Variants in CD99 observed in about 807,000 individuals in gnomAD.
CD99 encodes CD99 antigen.
A neutral mutation model predicts 28.4 loss-of-function variants in CD99; 19 were observed. That is an observed-to-expected ratio of 0.67 (90% CI 0.47 to 0.98). The LOEUF is 0.98. Among genes scored for constraint, CD99 ranks in the 50% least tolerant of loss-of-function variants. The pLI, the probability that CD99 is intolerant of heterozygous loss-of-function variation, is 0.00. For missense variants in CD99, 283 were observed against 248.8 expected, an observed-to-expected ratio of 1.14 and a Z score of -0.92; for synonymous variants, 103 against 92.1, an observed-to-expected ratio of 1.12 and a Z score of -0.67.
chrX:2,717,918 T>G, intron 3 of CD99: 1 of 439,884 alleles, frequency 2.3e-6, no homozygotes. Context: ...TGAGTTACTC[T>G]GTCTTTAGAT....
chrX:2,716,482 A>G (rs1001911134), intron 2 of CD99, among the ~76,000 whole-genome samples: 2 of 151,832 alleles, frequency 1.3e-5, no homozygotes, highest in Non-Finnish European at 1.5e-5. Context: ...GACTACAGGC[A>G]TGTGCCACCT....
intron 1 of CD99, among the ~76,000 whole-genome samples, chrX:2,694,358 T>C (rs2047474533): frequency 1.3e-5 from 2 of 151,928 alleles, no homozygotes. Context: ...TAGGAGAATG[T>C]TTCTGGGCAG....
chrX:2,726,464 G>T (rs779449347), intron 8 of CD99, 91 bp downstream of exon 8: 114 of 830,320 alleles, frequency 1.4e-4, no homozygotes, highest in Non-Finnish European at 2.2e-4. Context: ...ACTCGGGCTG[G>T]CACGAAACAG....
intron 2 of CD99, 56 bp downstream of exon 2, chrX:2,714,510 T>G (rs895362464): frequency 1.5e-6 from 2 of 1,370,500 alleles, no homozygotes; most frequent in Non-Finnish European, 2.1e-6. Flanking sequence ...TAACATAGTA[T>G]ATACAGGCAT....
intron 8 of CD99, among the ~76,000 whole-genome samples, chrX:2,734,667 G>T (rs1330712015): frequency 1.8e-4 from 22 of 125,286 alleles, no homozygotes; most frequent in South Asian, 5.2e-4. Flanking sequence ...TTTCCTTTTT[G>T]CTTTTTCTTT....
In CD99 at chrX:2,740,824, G is replaced by C; in HGVS notation, c.*20G>C. 1 of 1,613,880 alleles carries C rather than the reference G, an allele frequency of 6.2e-7. No homozygotes were observed. Among genetic ancestry groups the C allele is most frequent in the South Asian group, 1.1e-5 (1 of 91,066 alleles). ...AAATAGAAGATTGTCGGCAGAAACA[G>C]CCCAGGCGTTGGCAGCAGGGTTAGA... is the stretch of plus-strand genomic sequence containing the variant. On this transcript the variant is annotated 3_prime_UTR_variant, in exon 10 of 10. Transcript: ENST00000381192.
At chrX:2,727,218 G>A (rs768390876) in intron 8 of CD99, 13 of 744,540 alleles carry the variant, frequency 1.7e-5, no homozygotes, top group South Asian at 1.6e-4. Flanking sequence ...CAGGACCTGG[G>A]AAGTTTCTTG....
At chrX:2,714,197 C>T (rs1254803954) in intron 1 of CD99, among the ~76,000 whole-genome samples, 1 of 152,080 alleles carries the variant, frequency 6.6e-6, no homozygotes, top group Non-Finnish European at 1.5e-5. Context: ...TTCTACTAAG[C>T]TTGAAGGTCA....
chrX:2,704,773 G>A (rs192443156), intron 1 of CD99, among the ~76,000 whole-genome samples: 235 of 152,026 alleles, frequency 1.5e-3, no homozygotes, highest in Non-Finnish European at 2.8e-3. Context: ...GAGTGCCGTG[G>A]TGCAGTGTCA....
chrX:2,719,347 T>G (rs1178348326), intron 3 of CD99: 6 of 347,992 alleles, frequency 1.7e-5, no homozygotes, highest in Non-Finnish European at 3.1e-5. Flanking sequence ...AATTTCAACT[T>G]GGTCCAGGCA....
intron 1 of CD99, among the ~76,000 whole-genome samples, chrX:2,692,634 C>G (rs185345338): frequency 0.058 from 8,811 of 152,036 alleles, 347 homozygotes; most frequent in African/African-American, 0.11. Flanking sequence ...AGGTTCCAAG[C>G]AGAGCTTCCT....
At chrX:2,729,208 T>C (rs918647303) in intron 8 of CD99, among the ~76,000 whole-genome samples, 1 of 152,240 alleles carries the variant, frequency 6.6e-6, no homozygotes, top group Non-Finnish European at 1.5e-5. Context: ...GATGATTCTC[T>C]GAAAATCTTT....
At chrX:2,716,312 C>T (rs2048713564) in intron 2 of CD99, among the ~76,000 whole-genome samples, 2 of 151,748 alleles carry the variant, frequency 1.3e-5, no homozygotes, top group Non-Finnish European at 2.9e-5. Flanking sequence ...CCACTGAGCC[C>T]AGCCACCCTC....
chrX:2,740,295 C>T (rs1472263389), intron 9 of CD99, among the ~76,000 whole-genome samples: 2 of 152,160 alleles, frequency 1.3e-5, no homozygotes, highest in African/African-American at 2.4e-5. Flanking sequence ...GCGTGGCATT[C>T]CAGTGTTTTC....
intron 5 of CD99, among the ~76,000 whole-genome samples, chrX:2,721,289 T>G (rs1296315692): frequency 6.6e-6 from 1 of 152,024 alleles, no homozygotes; most frequent in East Asian, 1.9e-4. Context: ...TATATCTTTT[T>G]TTTTTCTTTT....
chrX:2,693,123 G>GT (rs1320644686), intron 1 of CD99, among the ~76,000 whole-genome samples: 3 of 150,134 alleles, frequency 2.0e-5, no homozygotes, highest in East Asian at 2.0e-4. Context: ...TCGTTGCACA[G>GT]TTTTTTTGTT....
intron 2 of CD99, among the ~76,000 whole-genome samples, chrX:2,715,876 G>C (rs1211279629): frequency 6.6e-6 from 1 of 152,080 alleles, no homozygotes; most frequent in African/African-American, 2.4e-5. Flanking sequence ...CCAGTCATTA[G>C]GACCTATCCT....
intron 1 of CD99, among the ~76,000 whole-genome samples, chrX:2,709,722 A>G (rs966792095): frequency 6.6e-6 from 1 of 152,238 alleles, no homozygotes; most frequent in African/African-American, 2.4e-5. Flanking sequence ...ATGCATGTAC[A>G]TAGACACGCA....
At chrX:2,732,895 T>C (rs1382184799) in intron 8 of CD99, among the ~76,000 whole-genome samples, 2 of 142,544 alleles carry the variant, frequency 1.4e-5, no homozygotes, top group Admixed American at 6.9e-5. Flanking sequence ...CTTCTCTCCC[T>C]CCTTCCCTTC....
Sources: allele counts gnomAD v4.1 joint callset (sites outside exome capture counted in the v4.1 genomes callset), GRCh38; gene constraint gnomAD v4.1.1; transcripts MANE v1.5; gene names NCBI Gene and HGNC (gene_info 2026-07-23, HGNC 2026-07-21).